Variants in THSD7B observed in about 807,000 individuals in gnomAD.
The protein encoded by THSD7B is thrombospondin type 1 domain containing 7B, also known as thrombospondin type-1 domain-containing protein 7B.
Under a neutral mutation model 213.6 loss-of-function variants are expected in THSD7B, and 138 were observed. That is an observed-to-expected ratio of 0.65 (90% CI 0.56 to 0.74). The LOEUF is 0.74. Among genes scored for constraint, THSD7B ranks in the 30% least tolerant of loss-of-function variants. The pLI is 0.00. For missense variants in THSD7B, 1,931 were observed against 1,991.5 expected, an observed-to-expected ratio of 0.97 and a Z score of 0.58; for synonymous variants, 742 against 687.0, an observed-to-expected ratio of 1.08 and a Z score of -1.25.
intron 12 of THSD7B, among the ~76,000 whole-genome samples, chr2:137,382,038 T>C (rs1025671935): frequency 2.6e-5 from 4 of 152,218 alleles, no homozygotes; most frequent in African/African-American, 9.6e-5. Context: ...TTTACACAGC[T>C]TGGCAGCTGT....
At chr2:137,586,829 T>C (rs1436649343) in intron 17 of THSD7B, among the ~76,000 whole-genome samples, 1 of 152,216 alleles carries the variant, frequency 6.6e-6, no homozygotes, top group African/African-American at 2.4e-5. Context: ...GTTGCTCTCC[T>C]TGAGGAATAT....
chr2:137,014,656 G>T (rs970806472), intron 2 of THSD7B, among the ~76,000 whole-genome samples: 1 of 152,202 alleles, frequency 6.6e-6, no homozygotes, highest in East Asian at 1.9e-4. Context: ...GCCTGTTGGG[G>T]TTGGTCTGTT....
chr2:137,021,915 G>T (rs533366813), intron 2 of THSD7B, among the ~76,000 whole-genome samples: 2 of 152,290 alleles, frequency 1.3e-5, no homozygotes, highest in Non-Finnish European at 2.9e-5. Flanking sequence ...AATTATCACA[G>T]AGATCAGCAG....
intron 2 of THSD7B, among the ~76,000 whole-genome samples, chr2:137,041,457 T>G (rs1453032392): frequency 6.6e-6 from 1 of 151,816 alleles, no homozygotes; most frequent in Admixed American, 6.6e-5. Context: ...TTAATATGAA[T>G]GTATGTGCCC....
intron 17 of THSD7B, among the ~76,000 whole-genome samples, chr2:137,614,974 G>T (rs1330617794): frequency 1.3e-5 from 2 of 152,108 alleles, no homozygotes; most frequent in East Asian, 1.9e-4. Context: ...GTGATTTGAT[G>T]ATCTTCATCC....
chr2:137,536,343 TG>T (rs1680507009), intron 15 of THSD7B, among the ~76,000 whole-genome samples: 1 of 151,348 alleles, frequency 6.6e-6, no homozygotes, highest in Admixed American at 6.6e-5. Flanking sequence ...AACACAGATT[TG>T]GGGAAGTTTA....
At chr2:137,278,668 G>T (rs1682928506) in intron 12 of THSD7B, among the ~76,000 whole-genome samples, 1 of 152,066 alleles carries the variant, frequency 6.6e-6, no homozygotes, top group Admixed American at 6.6e-5. Flanking sequence ...GCCTCGAGCT[G>T]TTCACTAGGC....
At chr2:137,040,895 A>G (rs2104861623) in intron 2 of THSD7B, among the ~76,000 whole-genome samples, 1 of 152,346 alleles carries the variant, frequency 6.6e-6, no homozygotes, top group East Asian at 1.9e-4. Context: ...ATAAGCTTTG[A>G]TAATGTGTTT....
At chr2:137,522,336 T>C (rs1680200879) in intron 15 of THSD7B, among the ~76,000 whole-genome samples, 1 of 152,172 alleles carries the variant, frequency 6.6e-6, no homozygotes, top group Non-Finnish European at 1.5e-5. Context: ...TTTTGTAACA[T>C]GAGTGAGTCA....
chr2:137,004,272 C>T (rs989026779), intron 2 of THSD7B, among the ~76,000 whole-genome samples: 6 of 149,912 alleles, frequency 4.0e-5, no homozygotes, highest in African/African-American at 9.9e-5. Context: ...TCCTCCTTCC[C>T]GTGACCCAGT....
At chr2:137,155,556 C>T (rs1679895670) in intron 5 of THSD7B, among the ~76,000 whole-genome samples, 2 of 152,168 alleles carry the variant, frequency 1.3e-5, no homozygotes, top group African/African-American at 4.8e-5. Flanking sequence ...TTCCATAGAT[C>T]ACCCAACTTT....
chr2:137,268,146 T>G (rs1048398705), intron 10 of THSD7B, among the ~76,000 whole-genome samples: 1 of 142,638 alleles, frequency 7.0e-6, no homozygotes, highest in Admixed American at 6.9e-5. Flanking sequence ...GAGAGGATTC[T>G]TTATTTTATT....
chr2:136,874,849 T>C (rs1683499773), intron 1 of THSD7B, among the ~76,000 whole-genome samples: 1 of 152,220 alleles, frequency 6.6e-6, no homozygotes, highest in Admixed American at 6.5e-5. Flanking sequence ...ATATAAATTA[T>C]TCAAGCCATC....
chr2:137,029,892 A>T (rs1438487837), intron 2 of THSD7B, among the ~76,000 whole-genome samples: 1 of 152,170 alleles, frequency 6.6e-6, no homozygotes, highest in Non-Finnish European at 1.5e-5. Flanking sequence ...AACTCTGAGG[A>T]GCTGGTTGCC....
At chr2:136,857,931 TC>T (rs1445189749) in intron 1 of THSD7B, among the ~76,000 whole-genome samples, 1 of 152,246 alleles carries the variant, frequency 6.6e-6, no homozygotes, top group African/African-American at 2.4e-5. Flanking sequence ...TAGTTGTTTT[TC>T]TCCTCTGTCT....
chr2:137,244,512 G>C (rs1422261573), intron 10 of THSD7B, among the ~76,000 whole-genome samples: 2 of 152,156 alleles, frequency 1.3e-5, no homozygotes, highest in East Asian at 3.9e-4. Flanking sequence ...CTACTGGAGA[G>C]TCTTTTCCTA....
chr2:137,224,414 G>C (rs1681450117), intron 7 of THSD7B, among the ~76,000 whole-genome samples: 1 of 152,134 alleles, frequency 6.6e-6, no homozygotes, highest in Admixed American at 6.5e-5. Context: ...ACTTGTGTTT[G>C]TTCCTACACA....
intron 2 of THSD7B, among the ~76,000 whole-genome samples, chr2:136,941,816 A>G (rs1684833812): frequency 6.6e-6 from 1 of 152,106 alleles, no homozygotes; most frequent in African/African-American, 2.4e-5. Flanking sequence ...CTCTGATGGT[A>G]GTTTCTTTTG....
intron 2 of THSD7B, among the ~76,000 whole-genome samples, chr2:136,947,133 A>T (rs897068311): frequency 6.6e-6 from 1 of 152,126 alleles, no homozygotes; most frequent in Non-Finnish European, 1.5e-5. Flanking sequence ...GACCCTCGAC[A>T]AAATCTTAAT....
Sources: gnomAD v4.1 joint callset for allele counts (sites outside exome capture counted in the v4.1 genomes callset) on GRCh38, gnomAD v4.1.1 for gene constraint, MANE v1.5 for transcripts, NCBI Gene and HGNC (gene_info 2026-07-23, HGNC 2026-07-21) for gene names.